Variants in NKD1 observed in about 807,000 individuals in gnomAD.
NKD1 encodes NKD inhibitor of Wnt signaling pathway 1.
Under a neutral mutation model 56.0 loss-of-function variants are expected in NKD1, and 21 were observed. The observed-to-expected ratio is 0.38, with a 90% confidence interval of 0.27 to 0.54. The LOEUF is 0.54. Ranked by LOEUF, NKD1 falls within the 20% of genes least tolerant of loss-of-function variation. The pLI is 0.82. For synonymous variants in NKD1, 263 were observed against 265.7 expected (o/e 0.99, Z 0.10); for missense variants, 578 against 642.7 (o/e 0.90, Z 1.09).
intron 3 of NKD1, among the ~76,000 whole-genome samples, chr16:50,591,171 C>T (rs903545268): frequency 6.6e-6 from 1 of 152,090 alleles, no homozygotes; most frequent in Non-Finnish European, 1.5e-5. Context: ...TTTTGAGGTA[C>T]TGACTGTTAG....
At chr16:50,620,507 G>C (rs1486899755) in intron 4 of NKD1, among the ~76,000 whole-genome samples, 2 of 152,198 alleles carry the variant, frequency 1.3e-5, no homozygotes. Context: ...GGGTGGAGGG[G>C]CCAGGGTCCC....
At chr16:50,556,727 G>T (rs1323968724) in intron 3 of NKD1, 2 of 146,124 alleles carry the variant, frequency 1.4e-5, no homozygotes, top group African/African-American at 5.4e-5. Context: ...TCTGCAGTAG[G>T]GTTTTTTTTT....
intron 3 of NKD1, among the ~76,000 whole-genome samples, chr16:50,553,255 G>A (rs1960429564): frequency 6.6e-6 from 1 of 152,256 alleles, no homozygotes; most frequent in Non-Finnish European, 1.5e-5. Context: ...GAAGACCTGT[G>A]TGCCTCTGTA....
At chr16:50,568,455 A>G (rs1370171569) in intron 3 of NKD1, among the ~76,000 whole-genome samples, 1 of 152,236 alleles carries the variant, frequency 6.6e-6, no homozygotes, top group Non-Finnish European at 1.5e-5. Flanking sequence ...TGGGGATAAC[A>G]GCAGGACCTG....
intron 3 of NKD1, among the ~76,000 whole-genome samples, chr16:50,602,954 G>GAC (rs1235240383): frequency 6.6e-6 from 1 of 152,226 alleles, no homozygotes; most frequent in African/African-American, 2.4e-5. Flanking sequence ...GTGCCTCCTG[G>GAC]ACACACATGT....
intron 3 of NKD1, among the ~76,000 whole-genome samples, chr16:50,589,816 CCTCTCCTCTCCTCTCTTTT>C (rs1961324350): frequency 8.4e-6 from 1 of 119,428 alleles, no homozygotes; most frequent in Non-Finnish European, 1.7e-5. Flanking sequence ...CCTCTCCTCT[CCTCTCCTCTCCTCTCTTTT>C]CTCTTCTCTT....
chr16:50,607,031 TGGA>T (rs1316424806), intron 3 of NKD1: 5 of 457,098 alleles, frequency 1.1e-5, no homozygotes, highest in Admixed American at 9.4e-5. Flanking sequence ...TAATAATTGG[TGGA>T]GGAGGAGAGG....
chr16:50,621,284 T>TGCCCTCTGGC (rs529005981), intron 4 of NKD1, among the ~76,000 whole-genome samples: 251 of 152,122 alleles, frequency 1.6e-3, no homozygotes, highest in African/African-American at 5.9e-3. Flanking sequence ...ACCCCTCCAC[T>TGCCCTCTGGC]CTCATCCATC....
intron 3 of NKD1, chr16:50,574,019 A>C (rs1960941160): frequency 1.1e-6 from 1 of 934,024 alleles, no homozygotes; most frequent in African/African-American, 1.8e-5. Context: ...TAGAAATTTT[A>C]AAATTTTATG....
intron 5 of NKD1, 43 bp downstream of exon 5, chr16:50,621,751 G>T: frequency 6.9e-7 from 1 of 1,459,008 alleles, no homozygotes; most frequent in South Asian, 1.2e-5. Flanking sequence ...GATGAGATGG[G>T]TTTTCTCAGC....
chr16:50,588,735 C>G (rs1013121604), intron 3 of NKD1, among the ~76,000 whole-genome samples: 1 of 151,036 alleles, frequency 6.6e-6, no homozygotes, highest in African/African-American at 2.4e-5. Flanking sequence ...TCCCGATTAG[C>G]TGGGATTACC....
chr16:50,596,897 A>C (rs548789764), intron 3 of NKD1, among the ~76,000 whole-genome samples: 64 of 152,302 alleles, frequency 4.2e-4, no homozygotes, highest in African/African-American at 1.5e-3. Context: ...GGTAGAGGGA[A>C]CAGCGTGTGT....
intron 3 of NKD1, among the ~76,000 whole-genome samples, chr16:50,579,207 C>A (rs1021763822): frequency 6.6e-6 from 1 of 150,456 alleles, no homozygotes; most frequent in South Asian, 2.1e-4. Flanking sequence ...CCGCTACACA[C>A]GCACTCTAAC....
In NKD1 at chr16:50,633,581, C is replaced by G. The variant is rs1248067305; in HGVS notation, c.1213C>G (p.Arg405Gly). 2 of 1,611,500 alleles carry G rather than the reference C, an allele frequency of 1.2e-6. No individual in the cohort carries two copies. Among genetic ancestry groups the G allele is most frequent in the Non-Finnish European group, 1.7e-6 (2 of 1,179,510 alleles). ...CCTCGGGCACAAGAAGCACAAGCAC[C>G]GAGCCAAGGAGAGCCAGCAGGGCTG... is the stretch of plus-strand genomic sequence containing the variant. ...APLGHKKHKH[R>G]AKESQQGCRG... The change falls in exon 10 of 10, where the codon CGA (arginine) becomes GGA (glycine). Residue 405 changes from arginine to glycine, a missense_variant. Coordinates refer to ENST00000268459, the MANE Select transcript of NKD1 (RefSeq NM_033119.5). The surrounding 1 kb of genome is among the most constrained non-coding windows in gnomAD (Gnocchi z 4.9).
intron 6 of NKD1, among the ~76,000 whole-genome samples, chr16:50,626,124 C>G (rs1251818522): frequency 6.6e-6 from 1 of 152,238 alleles, no homozygotes; most frequent in Non-Finnish European, 1.5e-5. Context: ...CAGCCTCGTC[C>G]CAAACCTCTT....
intron 2 of NKD1, chr16:50,548,958 C>T: frequency 1.0e-6 from 1 of 968,928 alleles, no homozygotes; most frequent in Non-Finnish European, 1.2e-6. Context: ...GCTCCCACCG[C>T]TGACCCTCAA....
intron 3 of NKD1, among the ~76,000 whole-genome samples, chr16:50,595,683 A>G (rs947140820): frequency 2.0e-5 from 3 of 152,156 alleles, no homozygotes; most frequent in African/African-American, 2.4e-5. Context: ...GTGAGGTACA[A>G]GTGTGATGGG....
intron 3 of NKD1, chr16:50,575,186 G>A (rs1407943949): frequency 1.8e-5 from 18 of 985,158 alleles, no homozygotes; most frequent in Non-Finnish European, 2.2e-5. Context: ...ATTTTCGCTG[G>A]AAGGAAAGGA....
At chr16:50,609,830 G>A (rs1447556898) in intron 4 of NKD1, among the ~76,000 whole-genome samples, 2 of 152,318 alleles carry the variant, frequency 1.3e-5, no homozygotes, top group East Asian at 1.9e-4. Flanking sequence ...AGGGGGAGGA[G>A]TCCCATGAAC....
Sources: gnomAD v4.1 joint callset for allele counts (sites outside exome capture counted in the v4.1 genomes callset) on GRCh38, gnomAD v4.1.1 for gene constraint, Gnocchi (gnomAD v3.1) non-coding constraint, MANE v1.5 for transcripts, NCBI Gene and HGNC (gene_info 2026-07-23, HGNC 2026-07-21) for gene names.